The following TELO2 variants were observed in gnomAD, a reference collection of about 807,000 sequenced individuals.
TELO2 encodes the protein telomere length regulation protein TEL2 homolog.
TELO2 carries 71 observed loss-of-function variants against 91.0 expected under a neutral mutation model. That is an observed-to-expected ratio of 0.78 (90% CI 0.64 to 0.95). The LOEUF (loss-of-function observed/expected upper bound fraction) is 0.95, where lower values mean the gene tolerates loss of function less well. Among genes scored for constraint, TELO2 ranks in the 40% least tolerant of loss-of-function variants. The pLI is 0.00. For missense variants in TELO2, 1,183 were observed against 1,141.3 expected, an observed-to-expected ratio of 1.04 and a Z score of -0.53; for synonymous variants, 584 against 518.9, an observed-to-expected ratio of 1.13 and a Z score of -1.71.
intron 11 of TELO2, 21 bp from the exon 12 acceptor site, chr16:1,502,026 G>A (rs1045470379): frequency 2.5e-6 from 4 of 1,613,168 alleles, no homozygotes; most frequent in Admixed American, 1.7e-5. Context: ...GGCTGCTCAT[G>A]TCTGCTTTGC....
chr16:1,506,161 G>C, intron 16 of TELO2, 77 bp from the exon 17 acceptor site: 1 of 1,514,452 alleles, frequency 6.6e-7, no homozygotes, highest in Non-Finnish European at 9.1e-7. Flanking sequence ...CTGCTTTGTG[G>C]GATCCTCTCG....
chr16:1,498,404 C>T (rs996038599), intron 5 of TELO2, among the ~76,000 whole-genome samples: 1 of 152,130 alleles, frequency 6.6e-6, no homozygotes, highest in Non-Finnish European at 1.5e-5. Context: ...CATGTAATCA[C>T]ATTCTATTTT....
Position 1,494,410 on chromosome 16 carries a change from G to A in TELO2, c.129G>A (p.Glu43=), listed in dbSNP as rs368412165. The A allele has an allele frequency of 6.2e-6, 10 of 1,613,356 alleles. No individual in the cohort carries two copies. The East Asian group carries it at 2.2e-4, about 36-fold the overall frequency. ...ESLKRYLGEM[E]PPALPREKEE... is the part of the protein sequence containing the mutation. The stretch of plus-strand genomic sequence containing the variant: ...TGAAGCGGTATCTCGGTGAGATGGA[G>A]CCTCCAGCGCTCCCGAGGGAGAAGG... The change falls in exon 2 of 21, where the codon GAG becomes GAA. Residue 43 remains glutamate (E), a synonymous_variant. Transcript: ENST00000262319. This position sits in a 1 kb window ranked among gnomAD's most constrained non-coding sequence, Gnocchi z 5.6.
chr16:1,499,041 G>A (rs941663187), intron 5 of TELO2, among the ~76,000 whole-genome samples, 190 bp from the exon 6 acceptor site: 15 of 152,250 alleles, frequency 9.9e-5, no homozygotes, highest in African/African-American at 3.6e-4. Context: ...TCTGGGTTGT[G>A]GCATTTATGC....
rs967348876 is a variant in TELO2, at chr16:1,506,875, C to T, written c.2127-77C>T. ...AGGGGCTGTGTGGGGCTCCCTCGGT[C>T]TCCCACGGTGGCCCAGGAGGTTGGG... On this transcript the variant is annotated intron_variant, in intron 17 of 20. Coordinates refer to ENST00000262319, the MANE Select transcript of TELO2 (RefSeq NM_016111.4). The T allele has an allele frequency of 2.7e-6, 4 of 1,482,586 alleles. No individual in the cohort carries two copies. In the South Asian group the frequency reaches 5.4e-5, roughly 20 times the overall value. The allele number at this position is 1,482,586 out of a possible 1,614,324, so 91.8% of individuals were successfully genotyped here.
At chr16:1,508,599 C>T (rs1015764475) in intron 20 of TELO2, among the ~76,000 whole-genome samples, 4 of 152,068 alleles carry the variant, frequency 2.6e-5, no homozygotes, top group African/African-American at 7.2e-5. Flanking sequence ...TGCTGGGGGG[C>T]GCTGGGGGAT....
intron 6 of TELO2, 40 bp from the exon 7 acceptor site, chr16:1,500,056 C>T (rs372125391): frequency 2.9e-5 from 46 of 1,582,672 alleles, no homozygotes; most frequent in Non-Finnish European, 3.4e-5. Flanking sequence ...GGCCAGGCGG[C>T]GGCCTCAGCC....
At position 1,494,508 on chromosome 16, in the gene TELO2, AGCTGCTGCCC is replaced by A; in HGVS notation, c.228_237del (p.Glu76AspfsTer25). On this transcript the variant is annotated frameshift_variant, in exon 2 of 21. Transcript: ENST00000262319. LOFTEE classifies it high-confidence loss of function. The surrounding 1 kb of genome is among the most constrained non-coding windows in gnomAD (Gnocchi z 5.6). ...AGCAGGCTGAGCCCAGCCTGGCTGG[AGCTGCTGCCC>A]CATGGCCGCCTGGAGGAGCTGTGGG... The A allele has an allele frequency of 6.2e-7, 1 of 1,613,084 alleles. No homozygotes were observed. Among genetic ancestry groups the A allele is most frequent in the East Asian group, 2.2e-5 (1 of 44,834 alleles).
In TELO2 at chr16:1,506,872, G is replaced by C. The variant is rs541898756; in HGVS notation, c.2127-80G>C. ...AGGAGGGGCTGTGTGGGGCTCCCTC[G>C]GTCTCCCACGGTGGCCCAGGAGGTT... On this transcript the variant is annotated intron_variant, in intron 17 of 20. Transcript: ENST00000262319. The C allele has an allele frequency of 3.4e-6, 5 of 1,473,914 alleles. No individual in the cohort carries two copies. In the South Asian group the frequency reaches 5.5e-5, roughly 16 times the overall value. 91.3% of individuals were successfully genotyped at this position (1,473,914 alleles called of 1,614,324 possible). A position where few individuals can be genotyped will look rare whatever the true frequency, so the allele number is the denominator to read the frequency against.
rs1212249646 is a variant in TELO2, at chr16:1,510,364, A to T, written c.*428A>T. On this transcript the variant is annotated 3_prime_UTR_variant, in exon 21 of 21. Transcript: ENST00000262319. ...GTGTCACCAGGAGAATAGTGCTCAC[A>T]GCCCAGGCAGGGTGTGTGGCTCCTG... The T allele has an allele frequency of 5.3e-5, 12 of 226,384 alleles. No individual in the cohort carries two copies. Among genetic ancestry groups the T allele is most frequent in the Non-Finnish European group, 1.1e-4 (12 of 113,286 alleles). The allele number at this position is 226,384 out of a possible 1,614,324, so 14.0% of individuals were successfully genotyped here.
In TELO2 at chr16:1,507,071, C is replaced by A; in HGVS notation, c.2226+20C>A. ...ACCACGGTGAGCCGGGAGAGGTCGC[C>A]GGGCGCCGGCCTGTGCTAACCATGG... On this transcript the variant is annotated intron_variant, in intron 18 of 20. Transcript: ENST00000262319. The A allele has an allele frequency of 6.3e-7, 1 of 1,585,534 alleles. No individual in the cohort carries two copies. Among genetic ancestry groups the A allele is most frequent in the South Asian group, 1.1e-5 (1 of 87,990 alleles).
rs1423494457 is a variant in TELO2, at chr16:1,505,835, G to GGT, written c.2034+236_2034+237dup. On this transcript the variant is annotated intron_variant, in intron 16 of 20. Transcript: ENST00000262319. The surrounding 1 kb of genome is among the most constrained non-coding windows in gnomAD (Gnocchi z 4.3). The stretch of plus-strand genomic sequence containing the variant: ...CATGATAAGTGACAGGTGTCCTGGT[G>GGT]GTGCTCTGTCCTCAGAGCCCATCTA... Among the ~76,000 whole-genome samples the GGT allele has an allele frequency of 2.0e-5, 3 of 152,236 alleles. No homozygotes were observed. The highest frequency in any genetic ancestry group is 4.4e-5 in the Non-Finnish European group (3 of 68,044).
Position 1,507,345 on chromosome 16 carries a change from T to C in TELO2, c.2266T>C (p.Trp756Arg). 6.2e-7 allele frequency: 1 copy of C among 1,611,060 alleles called. No individual in the cohort carries two copies. Among genetic ancestry groups the C allele is most frequent in the Non-Finnish European group, 8.5e-7 (1 of 1,179,902 alleles). The change falls in exon 19 of 21, where the codon TGG becomes CGG. Residue 756 changes from tryptophan (W) to arginine (R), a missense_variant. Transcript: ENST00000262319. ...GGGCAAGGCCCTGCTGGAATTCGTGTGGGCCCTTCGCTTCCACATCGATGC... is the reference window on the plus strand; with the variant it reads ...GGGCAAGGCCCTGCTGGAATTCGTGCGGGCCCTTCGCTTCCACATCGATGC... Reference protein sequence around the residue: ...AMGKALLEFVWALRFHIDAYV... With the variant: ...AMGKALLEFVRALRFHIDAYV...
In TELO2 at chr16:1,507,735, T is replaced by C; in HGVS notation, c.2407+19T>C. The stretch of plus-strand genomic sequence containing the variant: ...CTGGCGGGTGAGTGTCGGCCTGCGG[T>C]GTGTGTGTGAGATGTGTGTCGGCCC... On this transcript the variant is annotated intron_variant, in intron 20 of 20. Coordinates refer to ENST00000262319, the MANE Select transcript of TELO2 (RefSeq NM_016111.4). The C allele has an allele frequency of 1.9e-6, 3 of 1,588,470 alleles. No individual in the cohort carries two copies. Among genetic ancestry groups the C allele is most frequent in the Non-Finnish European group, 2.6e-6 (3 of 1,172,906 alleles).
intron 13 of TELO2, 108 bp from the exon 14 acceptor site, chr16:1,502,537 G>A (rs1210505167): frequency 1.1e-5 from 17 of 1,506,614 alleles, no homozygotes; most frequent in East Asian, 4.5e-5. Flanking sequence ...GGGGGCCTGC[G>A]GCCTGGGGCC....
At position 1,502,698 on chromosome 16, in the gene TELO2, G is replaced by T. The variant is rs1002459752; in HGVS notation, c.1707G>T (p.Val569=). 1 of 1,612,828 alleles carries T rather than the reference G, an allele frequency of 6.2e-7. No homozygotes were observed. The highest frequency in any genetic ancestry group is 8.5e-7 in the Non-Finnish European group (1 of 1,179,882). ...TGCATCTGGAGGAGAAGACCTGTGTGGTGGGATTTGCAGGGCTGCGCCAGA... is the reference window on the plus strand; with the variant it reads ...TGCATCTGGAGGAGAAGACCTGTGTTGTGGGATTTGCAGGGCTGCGCCAGA... The part of the protein sequence containing the change: ...VLLHLEEKTC[V]VGFAGLRQRA... The change falls in exon 14 of 21, where the codon GTG becomes GTT. Residue 569 remains valine (V), a synonymous_variant. Coordinates refer to ENST00000262319, the MANE Select transcript of TELO2 (RefSeq NM_016111.4).
intron 5 of TELO2, 100 bp from the exon 6 acceptor site, chr16:1,499,131 C>T (rs892941497): frequency 3.8e-5 from 47 of 1,225,138 alleles, no homozygotes; most frequent in Admixed American, 1.6e-4. Context: ...ATTGGCAGGC[C>T]GGGAGTCAGG....
In TELO2 at chr16:1,503,123, C is replaced by T. The variant is rs1235119257; in HGVS notation, c.1842+121C>T. 6.4e-6 allele frequency: 7 copies of T among 1,095,318 alleles called. No homozygotes were observed. The East Asian group carries it at 1.7e-4, about 26-fold the overall frequency. The allele number at this position is 1,095,318 out of a possible 1,614,324, so 67.8% of individuals were successfully genotyped here. Reference sequence around the variant, plus strand: ...GGGCTCGTGCAGGCCTGTCCACTGCCTTCGTGAGTGTGTGACCCGGCAGGA... The same window carrying T: ...GGGCTCGTGCAGGCCTGTCCACTGCTTTCGTGAGTGTGTGACCCGGCAGGA... On this transcript the variant is annotated intron_variant, in intron 15 of 20. Transcript: ENST00000262319.
rs116517010 is a variant in TELO2, at chr16:1,504,844, C to T, written c.1843-566C>T. 6.8e-3 allele frequency among the ~76,000 whole-genome samples: 1,039 copies of T among 151,996 alleles called. 6 individuals are homozygous for T. The highest frequency in any genetic ancestry group is 0.011 in the Non-Finnish European group (753 of 67,986). On this transcript the variant is annotated intron_variant, in intron 15 of 20. Transcript: ENST00000262319. ...GGTTCTAAGGTGCACACTTGGGTGG[C>T]GTTCGGAACATCCACAGTGTCACGC...
Sources: gnomAD v4.1 joint callset for allele counts (sites outside exome capture counted in the v4.1 genomes callset) on GRCh38, gnomAD v4.1.1 for gene constraint, Gnocchi (gnomAD v3.1) non-coding constraint, MANE v1.5 for transcripts, NCBI Gene and HGNC (gene_info 2026-07-23, HGNC 2026-07-21) for gene names.